The following ASAH2 variants were observed in gnomAD, a reference collection of about 807,000 sequenced individuals.
ASAH2 encodes the protein N-acylsphingosine amidohydrolase 2.
Under a neutral mutation model 82.9 loss-of-function variants are expected in ASAH2, and 58 were observed. That is an observed-to-expected ratio of 0.70 (90% CI 0.57 to 0.87). The LOEUF (loss-of-function observed/expected upper bound fraction) is 0.87. Ranked by LOEUF, ASAH2 falls within the 40% of genes least tolerant of loss-of-function variation. The pLI is 0.00. For synonymous variants in ASAH2, 276 were observed against 289.7 expected (o/e 0.95, Z 0.48); for missense variants, 779 against 834.0 (o/e 0.93, Z 0.81).
chr10:50,250,404 T>C (rs1279676538), intron 1 of ASAH2, among the ~76,000 whole-genome samples: 2 of 152,166 alleles, frequency 1.3e-5, no homozygotes, highest in African/African-American at 2.4e-5. Flanking sequence ...ATCACCACCA[T>C]AATGCCCTTA....
Position 50,251,480 on chromosome 10 carries a change from C to T in ASAH2, c.-122G>A, listed in dbSNP as rs1846611439. On this transcript the variant is annotated 5_prime_UTR_variant, in exon 1 of 21. Transcript: ENST00000682911. ...CTGTCCCCTTTCCCCTTGCACGTTG[C>T]TGGGCTTACACCTCTCAGCACTTTC... is the stretch of plus-strand genomic sequence containing the variant. 6.6e-6 allele frequency among the ~76,000 whole-genome samples: 1 copy of T among 152,156 alleles called. No individual in the cohort carries two copies. The highest frequency in any genetic ancestry group is 1.5e-5 in the Non-Finnish European group (1 of 68,026).
chr10:50,213,897 T>C (rs1336185558), intron 9 of ASAH2, among the ~76,000 whole-genome samples: 1 of 152,000 alleles, frequency 6.6e-6, no homozygotes, highest in Non-Finnish European at 1.5e-5. Flanking sequence ...AGAAATAGTA[T>C]ACAAAAAAAG....
chr10:50,237,343 T>C (rs1259803912), intron 4 of ASAH2, among the ~76,000 whole-genome samples: 1 of 152,170 alleles, frequency 6.6e-6, no homozygotes, highest in Non-Finnish European at 1.5e-5. Context: ...GCCATCTGAG[T>C]GAGCAACCTT....
chr10:50,199,094 G>A lies in ASAH2; in HGVS notation c.1814C>T (p.Ala605Val). ...STIYGPHTLS[A>V]YIQLFRNLAK... The stretch of plus-strand genomic sequence containing the variant: ...AAGGTTTCTGAAGAGCTGAATGTAA[G>A]CAGATAATGTGTGCGGTCCATAAAT... The change falls in exon 17 of 21, where the codon GCT becomes GTT. Residue 605 changes from alanine to valine, a missense_variant. Physicochemically the swap from Ala to Val is moderately conservative, Grantham distance 64 (BLOSUM62 0). Transcript: ENST00000682911. 2 of 1,613,378 alleles carry A rather than the reference G, an allele frequency of 1.2e-6. No homozygotes were observed. Among genetic ancestry groups the A allele is most frequent in the Non-Finnish European group, 1.7e-6 (2 of 1,179,524 alleles).
At chr10:50,244,968 A>G (rs1846407420) in intron 3 of ASAH2, among the ~76,000 whole-genome samples, 1 of 151,572 alleles carries the variant, frequency 6.6e-6, no homozygotes, top group African/African-American at 2.4e-5. Context: ...CCCCTGTAGT[A>G]TTTGAGTTTG....
intron 7 of ASAH2, among the ~76,000 whole-genome samples, chr10:50,228,071 C>T (rs1053814871): frequency 1.3e-4 from 20 of 152,242 alleles, no homozygotes; most frequent in East Asian, 3.9e-4. Flanking sequence ...GGCCTGTGAT[C>T]CCAACACTCT....
chr10:50,234,307 T>C (rs1397420690), intron 6 of ASAH2, 118 bp downstream of exon 6: 2 of 1,401,600 alleles, frequency 1.4e-6, no homozygotes, highest in Non-Finnish European at 2.0e-6. Flanking sequence ...TAAGATATCA[T>C]AGCTGTAATA....
At chr10:50,229,517 C>T (rs1308778971) in intron 7 of ASAH2, among the ~76,000 whole-genome samples, 1 of 152,136 alleles carries the variant, frequency 6.6e-6, no homozygotes, top group African/African-American at 2.4e-5. Context: ...CTCAAGTCTA[C>T]ACTCTTCCCA....
At chr10:50,226,091 TAA>T (rs1217710484) in intron 7 of ASAH2, among the ~76,000 whole-genome samples, 2 of 142,392 alleles carry the variant, frequency 1.4e-5, no homozygotes. Context: ...AGACTCCATC[TAA>T]AAAAAAAAAA....
intron 13 of ASAH2, among the ~76,000 whole-genome samples, chr10:50,205,516 AC>A (rs1461080043): frequency 5.9e-5 from 9 of 152,026 alleles, no homozygotes; most frequent in Non-Finnish European, 1.0e-4. Flanking sequence ...TACTGAAATG[AC>A]CTTTTGACAT....
At chr10:50,207,326 C>T (rs903846451) in intron 12 of ASAH2, among the ~76,000 whole-genome samples, 5 of 151,114 alleles carry the variant, frequency 3.3e-5, no homozygotes, top group Non-Finnish European at 4.4e-5. Flanking sequence ...AATCAGTATT[C>T]GAAAGAAAAT....
intron 16 of ASAH2, among the ~76,000 whole-genome samples, chr10:50,202,263 A>G (rs1396173558): frequency 6.6e-6 from 1 of 152,032 alleles, no homozygotes; most frequent in Non-Finnish European, 1.5e-5. Flanking sequence ...GAGACTCTGG[A>G]CTGTTTTCAT....
chr10:50,245,408 G>C lies in ASAH2; in HGVS notation c.174C>G (p.Thr58=), dbSNP rs374685598. The C allele has an allele frequency of 6.2e-7, 1 of 1,613,914 alleles. No individual in the cohort carries two copies. Among genetic ancestry groups the C allele is most frequent in the African/African-American group, 1.3e-5 (1 of 74,990 alleles). Residue 58 remains threonine (T), a synonymous_variant, in exon 3 of 21, where the codon ACC becomes ACG. Coordinates refer to ENST00000682911, the MANE Select transcript of ASAH2 (RefSeq NM_019893.4). ...AGCGTTGGGCAGCTGTGGAGCCCTGGGTGGCTGGAGGGCTTTGGGTGGTTG... is the reference window on the plus strand; with the variant it reads ...AGCGTTGGGCAGCTGTGGAGCCCTGCGTGGCTGGAGGGCTTTGGGTGGTTG... ...FFSTTQSPPA[T]QGSTAAQRST...
chr10:50,202,816 C>A lies in ASAH2; in HGVS notation c.1761+13G>T, dbSNP rs1338575185. Reference sequence around the variant, plus strand: ...GTATAATTCATTTAAATGATGAAAACGTTTTGCTTTACCTGGTATTCTTCA... The same window carrying A: ...GTATAATTCATTTAAATGATGAAAAAGTTTTGCTTTACCTGGTATTCTTCA... On this transcript the variant is annotated intron_variant, in intron 16 of 20. Transcript: ENST00000682911. 6.4e-7 allele frequency: 1 copy of A among 1,555,146 alleles called. No individual in the cohort carries two copies. The highest frequency in any genetic ancestry group is 1.4e-5 in the African/African-American group (1 of 73,668).
intron 14 of ASAH2, 130 bp downstream of exon 14, chr10:50,204,731 C>T: frequency 1.4e-6 from 1 of 715,422 alleles, no homozygotes. Flanking sequence ...GGAATATTTG[C>T]CACTGTCACC....
rs1370881909 is a variant in ASAH2 at position 50,187,118 on chromosome 10, T to TCTCA, written c.*196_*197insTGAG. ...CTCTCTCTCTCTCTCTCTCTCTCTC[T>TCTCA]CACACACACACACACACACACACAC... is the stretch of plus-strand genomic sequence containing the variant. On this transcript the variant is annotated 3_prime_UTR_variant, in exon 21 of 21. Coordinates refer to ENST00000682911, the MANE Select transcript of ASAH2 (RefSeq NM_019893.4). The TCTCA allele has an allele frequency of 2.6e-3, 404 of 157,326 alleles. No individual in the cohort carries two copies. The highest frequency in any genetic ancestry group is 0.015 in the African/African-American group (281 of 18,498). The allele number at this position is 157,326 out of a possible 1,614,324, so 9.7% of individuals were successfully genotyped here.
At position 50,210,896 on chromosome 10, in the gene ASAH2, T is replaced by C. The variant is rs1338147081; in HGVS notation, c.1341A>G (p.Thr447=). 2.5e-6 allele frequency: 4 copies of C among 1,613,434 alleles called. No individual in the cohort carries two copies. Among genetic ancestry groups the C allele is most frequent in the Non-Finnish European group, 3.4e-6 (4 of 1,179,512 alleles). ...VWLNSTHASK[T]CKPALGYSFA... The stretch of plus-strand genomic sequence containing the variant: ...AACTGTAGCCCAATGCTGGTTTACA[T>C]GTTTTTGACTAAAGGAAAAGTTTTA... The change falls in exon 12 of 21, where the codon ACA becomes ACG. Residue 447 remains threonine (T), a synonymous_variant. Coordinates refer to ENST00000682911, the MANE Select transcript of ASAH2 (RefSeq NM_019893.4).
chr10:50,236,765 A>T (rs900611504), intron 4 of ASAH2, among the ~76,000 whole-genome samples: 39 of 152,184 alleles, frequency 2.6e-4, no homozygotes, highest in African/African-American at 8.4e-4. Flanking sequence ...TGAATTATAC[A>T]AAAGTTAAAT....
chr10:50,219,904 A>C (rs530686349), intron 7 of ASAH2, among the ~76,000 whole-genome samples: 118 of 152,336 alleles, frequency 7.7e-4, no homozygotes, highest in African/African-American at 2.8e-3. Flanking sequence ...GCTCCAGCCA[A>C]GTGTTGCCTT....
Sources: gnomAD v4.1 joint callset for allele counts (sites outside exome capture counted in the v4.1 genomes callset) on GRCh38, gnomAD v4.1.1 for gene constraint, MANE v1.5 for transcripts, NCBI Gene and HGNC (gene_info 2026-07-23, HGNC 2026-07-21) for gene names.